GULP1: variants seen among roughly 807,000 people sequenced by gnomAD.
GULP1 encodes the protein GULP PTB domain containing engulfment adaptor 1, also known as PTB domain-containing engulfment adapter protein 1.
Under a neutral mutation model 40.9 loss-of-function variants are expected in GULP1, and 19 were observed. The observed-to-expected ratio is 0.46, with a 90% CI of 0.32 to 0.68. The LOEUF is 0.68. Among genes scored for constraint, GULP1 ranks in the 30% least tolerant of loss-of-function variants. GULP1 has a pLI of 0.03. For synonymous variants in GULP1, 119 were observed against 117.6 expected (o/e 1.01, Z -0.08); for missense variants, 312 against 362.2 (o/e 0.86, Z 1.12).
intron 6 of GULP1, among the ~76,000 whole-genome samples, chr2:188,539,440 A>G (rs901966172): frequency 3.9e-5 from 6 of 152,158 alleles, no homozygotes; most frequent in Non-Finnish European, 7.4e-5. Flanking sequence ...TAGGCAAAAT[A>G]CAGAAAGAAG....
At chr2:188,468,831 G>T (rs1470642427) in intron 2 of GULP1, among the ~76,000 whole-genome samples, 1 of 152,104 alleles carries the variant, frequency 6.6e-6, no homozygotes, top group Non-Finnish European at 1.5e-5. Flanking sequence ...GCAACGAGGG[G>T]AGGGGGGCAA....
intron 1 of GULP1, among the ~76,000 whole-genome samples, chr2:188,317,481 A>C (rs1178451710): frequency 6.6e-6 from 1 of 152,114 alleles, no homozygotes; most frequent in African/African-American, 2.4e-5. Context: ...CCTGATTTGC[A>C]TGTTTTTGTC....
intron 1 of GULP1, among the ~76,000 whole-genome samples, chr2:188,362,764 T>A (rs2046262120): frequency 6.6e-6 from 1 of 151,112 alleles, no homozygotes; most frequent in South Asian, 2.1e-4. Context: ...TTTTCACTTG[T>A]AATCTGACTT....
At chr2:188,383,378 C>G (rs1206806909) in intron 1 of GULP1, among the ~76,000 whole-genome samples, 1 of 152,214 alleles carries the variant, frequency 6.6e-6, no homozygotes, top group Non-Finnish European at 1.5e-5. Flanking sequence ...GTTTCACCTT[C>G]TTAATCATCA....
At chr2:188,487,313 A>T (rs2061949546) in intron 4 of GULP1, among the ~76,000 whole-genome samples, 1 of 152,006 alleles carries the variant, frequency 6.6e-6, no homozygotes, top group Non-Finnish European at 1.5e-5. Context: ...TTTATGAAAA[A>T]TCTATCTTTA....
chr2:188,437,739 A>G (rs544722602), intron 2 of GULP1, among the ~76,000 whole-genome samples: 1 of 152,110 alleles, frequency 6.6e-6, no homozygotes, highest in Non-Finnish European at 1.5e-5. Context: ...GGAATACTAT[A>G]CAGCCATAAA....
At chr2:188,515,956 G>GA (rs1206820376) in intron 4 of GULP1, among the ~76,000 whole-genome samples, 1 of 151,958 alleles carries the variant, frequency 6.6e-6, no homozygotes, top group African/African-American at 2.4e-5. Context: ...AATTTATAAT[G>GA]AAAAAATTAA....
At chr2:188,400,163 G>C (rs2052013413) in intron 2 of GULP1, among the ~76,000 whole-genome samples, 1 of 151,988 alleles carries the variant, frequency 6.6e-6, no homozygotes, top group African/African-American at 2.4e-5. Flanking sequence ...GCTTCTAGTG[G>C]CTCCTTGTAT....
chr2:188,335,220 G>A (rs952006370), intron 1 of GULP1, among the ~76,000 whole-genome samples: 1 of 152,164 alleles, frequency 6.6e-6, no homozygotes, highest in East Asian at 1.9e-4. Flanking sequence ...TCTGGGGAAA[G>A]CAGAGTAAAT....
At chr2:188,481,232 T>C (rs182988725) in intron 3 of GULP1, among the ~76,000 whole-genome samples, 142 of 152,108 alleles carry the variant, frequency 9.3e-4, no homozygotes, top group African/African-American at 3.3e-3. Context: ...CACATTTTCA[T>C]ATATCTAATA....
chr2:188,449,172 G>A (rs1430467593), intron 2 of GULP1, among the ~76,000 whole-genome samples: 1 of 152,088 alleles, frequency 6.6e-6, no homozygotes, highest in Non-Finnish European at 1.5e-5. Flanking sequence ...TCTTAAATTT[G>A]GTATTTGTCT....
intron 11 of GULP1, chr2:188,592,276 TTCTA>T (rs1273814231): frequency 2.6e-5 from 4 of 151,982 alleles, no homozygotes; most frequent in African/African-American, 7.2e-5. Flanking sequence ...GTAACTCTCT[TTCTA>T]TCTGTCATTA....
chr2:188,518,707 T>G (rs1023867336), intron 4 of GULP1, among the ~76,000 whole-genome samples: 2 of 152,142 alleles, frequency 1.3e-5, no homozygotes, highest in African/African-American at 4.8e-5. Context: ...ACCAGTTGTG[T>G]CCACTAAACC....
chr2:188,391,447 G>A (rs985986128), intron 2 of GULP1, among the ~76,000 whole-genome samples: 1 of 152,074 alleles, frequency 6.6e-6, no homozygotes, highest in East Asian at 1.9e-4. Context: ...ACTGATTTGT[G>A]TAAACTGATT....
chr2:188,443,685 C>A (rs1480422882), intron 2 of GULP1, among the ~76,000 whole-genome samples: 2 of 147,134 alleles, frequency 1.4e-5, no homozygotes, highest in Non-Finnish European at 3.0e-5. Flanking sequence ...AAATGAATTT[C>A]TTTTCTTTTT....
chr2:188,522,656 A>C (rs1685147192), intron 4 of GULP1, 100 bp from the exon 5 acceptor site: 1 of 534,306 alleles, frequency 1.9e-6, no homozygotes, highest in Admixed American at 2.6e-5. Flanking sequence ...ATGAGTTTGC[A>C]TTACTATTAA....
intron 1 of GULP1, among the ~76,000 whole-genome samples, chr2:188,346,777 C>T (rs2043725237): frequency 6.6e-6 from 1 of 151,832 alleles, no homozygotes. Flanking sequence ...TTGAGAACAT[C>T]CTGGCCAACT....
chr2:188,592,746 TAAG>T (rs1390059855), intron 11 of GULP1: 1 of 152,100 alleles, frequency 6.6e-6, no homozygotes, highest in African/African-American at 2.4e-5. Flanking sequence ...TATAGAAAGA[TAAG>T]AACATTTACA....
intron 6 of GULP1, among the ~76,000 whole-genome samples, chr2:188,532,119 G>A (rs1420675304): frequency 7.9e-5 from 12 of 151,992 alleles, no homozygotes; most frequent in South Asian, 2.1e-4. Flanking sequence ...TATCATTTTC[G>A]TATGTTCTTG....
Sources: gnomAD v4.1 joint callset for allele counts (sites outside exome capture counted in the v4.1 genomes callset) on GRCh38, gnomAD v4.1.1 for gene constraint, MANE v1.5 for transcripts, NCBI Gene and HGNC (gene_info 2026-07-23, HGNC 2026-07-21) for gene names.